Variants in MET observed in about 807,000 individuals in gnomAD.
The protein encoded by MET is MET proto-oncogene, receptor tyrosine kinase.
In MET, 48 loss-of-function variants were observed where a neutral mutation model predicts 133.1. The ratio of observed to expected loss-of-function variants is 0.36; its 90% CI spans 0.29 to 0.46. MET has a LOEUF of 0.46. Among genes scored for constraint, MET ranks in the 20% least tolerant of loss-of-function variants. The pLI is 1.00. For missense variants in MET, 1,442 were observed against 1,695.9 expected, an observed-to-expected ratio of 0.85 and a Z score of 2.63; for synonymous variants, 628 against 616.5, an observed-to-expected ratio of 1.02 and a Z score of -0.28.
intron 2 of MET, among the ~76,000 whole-genome samples, chr7:116,711,361 TA>T (rs766574369): frequency 1.1e-4 from 17 of 152,226 alleles, no homozygotes; most frequent in Non-Finnish European, 5.9e-5. Flanking sequence ...CAGCCTCATT[TA>T]AGAGTTTCTT....
intron 14 of MET, among the ~76,000 whole-genome samples, chr7:116,774,487 T>A (rs1794929484): frequency 1.3e-5 from 2 of 152,234 alleles, no homozygotes; most frequent in African/African-American, 4.8e-5. Flanking sequence ...TAACAAATAG[T>A]AGTGTCTCAA....
chr7:116,682,763 C>T (rs953326774), intron 1 of MET, among the ~76,000 whole-genome samples: 2 of 152,212 alleles, frequency 1.3e-5, no homozygotes, highest in Non-Finnish European at 2.9e-5. Context: ...AGTCTGTTTG[C>T]ATGTCTCCAG....
chr7:116,689,811 C>T lies in MET; in HGVS notation c.-14-9260C>T, dbSNP rs143433269. On this transcript the variant is annotated intron_variant, in intron 1 of 20. Coordinates refer to ENST00000397752, the MANE Select transcript of MET (RefSeq NM_000245.4). Reference sequence around the variant, plus strand: ...CTGAACTCAAGCAATCGTCTGGCCTCAGCCTCCTGAAGTGCTGGGATTGCT... The same window carrying T: ...CTGAACTCAAGCAATCGTCTGGCCTTAGCCTCCTGAAGTGCTGGGATTGCT... Among the ~76,000 whole-genome samples, 1,239 of 152,244 alleles carry T rather than the reference C, an allele frequency of 8.1e-3. 5 individuals carry two copies. Among genetic ancestry groups the T allele is most frequent in the Non-Finnish European group, 0.012 (799 of 68,026 alleles).
At chr7:116,719,055 G>A (rs1378368059) in intron 2 of MET, among the ~76,000 whole-genome samples, 2 of 112,540 alleles carry the variant, frequency 1.8e-5, no homozygotes, top group African/African-American at 7.2e-5. Context: ...CTAGATCCCT[G>A]AGGAATCGCC....
At chr7:116,697,694 G>A (rs762167152) in intron 1 of MET, among the ~76,000 whole-genome samples, 3 of 152,142 alleles carry the variant, frequency 2.0e-5, no homozygotes, top group Non-Finnish European at 4.4e-5. Context: ...ATACAATGAT[G>A]AGCCAAGCAG....
intron 12 of MET, 77 bp from the exon 13 acceptor site, chr7:116,771,421 C>T (rs2116990521): frequency 1.9e-6 from 3 of 1,560,966 alleles, no homozygotes; most frequent in Non-Finnish European, 2.6e-6. Flanking sequence ...GTATTTGGGA[C>T]CCAAAGTGCT....
intron 2 of MET, among the ~76,000 whole-genome samples, chr7:116,705,782 G>T (rs190902809): frequency 6.6e-6 from 1 of 151,646 alleles, no homozygotes; most frequent in East Asian, 1.9e-4. Context: ...ATAGGCTCAG[G>T]GAGTCACTGC....
At chr7:116,739,115 C>T (rs1186283555) in intron 3 of MET, among the ~76,000 whole-genome samples, 1 of 152,112 alleles carries the variant, frequency 6.6e-6, no homozygotes, top group Admixed American at 6.5e-5. Context: ...CCAACACCCT[C>T]CTAAAAATCT....
chr7:116,737,643 T>C (rs1253200284), intron 3 of MET, among the ~76,000 whole-genome samples: 1 of 152,154 alleles, frequency 6.6e-6, no homozygotes, highest in Non-Finnish European at 1.5e-5. Context: ...GTAAATAAAA[T>C]CTCCATTTAA....
chr7:116,689,828 G>A (rs984387603), intron 1 of MET, among the ~76,000 whole-genome samples: 4 of 152,176 alleles, frequency 2.6e-5, no homozygotes, highest in Non-Finnish European at 5.9e-5. Context: ...CTGAAGTGCT[G>A]GGATTGCTGG....
At chr7:116,774,335 C>T (rs1794924493) in intron 14 of MET, among the ~76,000 whole-genome samples, 1 of 152,194 alleles carries the variant, frequency 6.6e-6, no homozygotes, top group Non-Finnish European at 1.5e-5. Context: ...AATCCAGTGC[C>T]ATCACTGCAC....
chr7:116,789,703 A>G (rs1795425027), intron 19 of MET, among the ~76,000 whole-genome samples: 1 of 152,230 alleles, frequency 6.6e-6, no homozygotes, highest in African/African-American at 2.4e-5. Flanking sequence ...TTCGCATATT[A>G]CATTTGAGAG....
At chr7:116,718,884 G>A in intron 2 of MET, among the ~76,000 whole-genome samples, 1 of 144,318 alleles carries the variant, frequency 6.9e-6, no homozygotes, top group African/African-American at 2.6e-5. Flanking sequence ...TCTTAATCCA[G>A]TCTATCATTG....
intron 1 of MET, among the ~76,000 whole-genome samples, chr7:116,694,255 T>A (rs373806876): frequency 2.8e-4 from 43 of 152,342 alleles, no homozygotes; most frequent in African/African-American, 9.9e-4. Flanking sequence ...TGGGGCGTTT[T>A]TGGTGATTAC....
intron 6 of MET, among the ~76,000 whole-genome samples, chr7:116,755,888 AC>A (rs1449145121): frequency 2.6e-5 from 4 of 152,306 alleles, no homozygotes; most frequent in South Asian, 4.1e-4. Flanking sequence ...AAATCAGTAA[AC>A]AGCTCAGCAT....
intron 3 of MET, among the ~76,000 whole-genome samples, chr7:116,736,954 T>C (rs574118941): frequency 6.0e-4 from 91 of 152,330 alleles, no homozygotes; most frequent in African/African-American, 2.0e-3. Flanking sequence ...ACACATTACT[T>C]CAGGGGTATT....
intron 2 of MET, among the ~76,000 whole-genome samples, chr7:116,712,709 C>T (rs1317148095): frequency 4.0e-5 from 6 of 151,840 alleles, no homozygotes; most frequent in African/African-American, 1.5e-4. Flanking sequence ...CCCCCACACA[C>T]ACCCTCCTTC....
Position 116,692,561 on chromosome 7 carries a change from A to G in MET, c.-14-6510A>G, listed in dbSNP as rs772036258. Among the ~76,000 whole-genome samples the G allele has an allele frequency of 3.3e-5, 5 of 152,344 alleles. 1 individual carries two copies. The highest frequency in any genetic ancestry group is 2.1e-4 in the South Asian group (1 of 4,826). On this transcript the variant is annotated intron_variant, in intron 1 of 20. Transcript: ENST00000397752. ...AGATTTCTGGGAAATGAAAAGACCA[A>G]TGTAAGCTAGTTGAATGAGAAAACC...
At chr7:116,693,501 C>T (rs1183733283) in intron 1 of MET, among the ~76,000 whole-genome samples, 1 of 152,132 alleles carries the variant, frequency 6.6e-6, no homozygotes, top group East Asian at 1.9e-4. Context: ...GGTGACTTGC[C>T]TGGGTCATAC....
Sources: gnomAD v4.1 joint callset for allele counts (sites outside exome capture counted in the v4.1 genomes callset) on GRCh38, gnomAD v4.1.1 for gene constraint, MANE v1.5 for transcripts, NCBI Gene and HGNC (gene_info 2026-07-23, HGNC 2026-07-21) for gene names.